NT5DC3: variants seen among roughly 807,000 people sequenced by gnomAD.
The protein encoded by NT5DC3 is 5'-nucleotidase domain-containing protein 3.
In NT5DC3, 42 loss-of-function variants were observed where a neutral mutation model predicts 67.8. The observed-to-expected ratio is 0.62, with a 90% CI of 0.48 to 0.80. The LOEUF is 0.80. Ranked by LOEUF, NT5DC3 falls within the 30% of genes least tolerant of loss-of-function variation. NT5DC3 has a pLI of 0.00. For missense variants in NT5DC3, 570 were observed against 696.4 expected (o/e 0.82, Z 2.04); for synonymous variants, 237 against 255.6 (o/e 0.93, Z 0.69).
chr12:103,758,210 C>G, the NT5DC3 span: 1 of 1,614,036 alleles, frequency 6.2e-7, no homozygotes, highest in African/African-American at 1.3e-5. Flanking sequence ...CGAGGCCGTG[C>G]ATTTCTAGAA....
intron 1 of NT5DC3, among the ~76,000 whole-genome samples, chr12:103,824,994 G>A (rs770587680): frequency 2.0e-5 from 3 of 152,154 alleles, no homozygotes; most frequent in Non-Finnish European, 4.4e-5. Flanking sequence ...TATAAATACA[G>A]AGCAATATCA....
At chr12:103,784,445 A>C (rs1325799757) in intron 12 of NT5DC3, among the ~76,000 whole-genome samples, 6 of 152,232 alleles carry the variant, frequency 3.9e-5, no homozygotes, top group Non-Finnish European at 7.3e-5. Context: ...CTCACTGCTC[A>C]GCCACTCCCA....
chr12:103,753,992 A>G, the NT5DC3 span, among the ~76,000 whole-genome samples: 4 of 152,198 alleles, frequency 2.6e-5, no homozygotes, highest in South Asian at 6.2e-4. Context: ...CTCTAAAACT[A>G]GAAGTCCTAC....
At chr12:103,798,240 A>C (rs1384094104) in intron 5 of NT5DC3, among the ~76,000 whole-genome samples, 7 of 152,160 alleles carry the variant, frequency 4.6e-5, no homozygotes, top group Non-Finnish European at 1.0e-4. Flanking sequence ...GTAGCCATCA[A>C]CTCTGGCATT....
the NT5DC3 span, chr12:103,759,207 C>A: frequency 3.1e-6 from 5 of 1,614,074 alleles, no homozygotes; most frequent in African/African-American, 6.7e-5. Flanking sequence ...TTGTCAATGG[C>A]ACCACCCTGC....
At chr12:103,763,618 C>T in the NT5DC3 span, 4 of 1,610,034 alleles carry the variant, frequency 2.5e-6, no homozygotes, top group East Asian at 8.9e-5. Flanking sequence ...GGTGAGTTTG[C>T]ATTCTTATCT....
chr12:103,757,999 G>A, the NT5DC3 span: 1 of 930,226 alleles, frequency 1.1e-6, no homozygotes, highest in Non-Finnish European at 1.6e-6. Context: ...GAAAGGAAAA[G>A]TCCTCAAACT....
chr12:103,752,232 A>C, the NT5DC3 span, among the ~76,000 whole-genome samples: 1 of 152,184 alleles, frequency 6.6e-6, no homozygotes, highest in Non-Finnish European at 1.5e-5. Flanking sequence ...ATTGATATAC[A>C]TCTACTCAAA....
chr12:103,801,901 T>C (rs143035673), intron 4 of NT5DC3, among the ~76,000 whole-genome samples: 1 of 152,272 alleles, frequency 6.6e-6, no homozygotes, highest in Non-Finnish European at 1.5e-5. Flanking sequence ...TGCTTCATCT[T>C]CACCAGCTGC....
the NT5DC3 span, chr12:103,763,229 G>A: frequency 2.4e-6 from 1 of 418,294 alleles, no homozygotes; most frequent in Non-Finnish European, 4.4e-6. Flanking sequence ...CAGGCTAAGA[G>A]CATGTGAACA....
intron 2 of NT5DC3, among the ~76,000 whole-genome samples, chr12:103,810,848 G>A (rs1206584304): frequency 6.6e-6 from 1 of 152,136 alleles, no homozygotes; most frequent in African/African-American, 2.4e-5. Flanking sequence ...ACACTGCTGT[G>A]GGTTCCTGAG....
At chr12:103,778,203 T>C in intron 13 of NT5DC3, 122 bp from the exon 14 acceptor site, 1 of 1,090,598 alleles carries the variant, frequency 9.2e-7, no homozygotes, top group Non-Finnish European at 1.3e-6. Flanking sequence ...TTGAGAAACA[T>C]GTTAGCCTAG....
the NT5DC3 span, among the ~76,000 whole-genome samples, chr12:103,756,996 A>AAAAAAAATAT: frequency 5.3e-5 from 3 of 56,382 alleles, no homozygotes; most frequent in African/African-American, 3.1e-4. Context: ...AAGGAGGGAA[A>AAAAAAAATAT]ATATATATAT....
chr12:103,788,743 C>A, intron 10 of NT5DC3, 95 bp downstream of exon 10: 1 of 819,554 alleles, frequency 1.2e-6, no homozygotes, highest in South Asian at 1.4e-5. Flanking sequence ...CAGAACTGTG[C>A]CAGGCATACA....
intron 1 of NT5DC3, among the ~76,000 whole-genome samples, chr12:103,831,766 T>TCC (rs1192436664): frequency 7.4e-6 from 1 of 134,992 alleles, no homozygotes; most frequent in Non-Finnish European, 1.5e-5. Flanking sequence ...GGTTTCAGCA[T>TCC]CCTCTTTTTT....
the NT5DC3 span, among the ~76,000 whole-genome samples, chr12:103,763,135 A>G: frequency 1.3e-5 from 2 of 152,190 alleles, no homozygotes; most frequent in African/African-American, 2.4e-5. Flanking sequence ...GTATGACTGC[A>G]TTTATATTAA....
chr12:103,797,272 T>G (rs913931808), intron 5 of NT5DC3, among the ~76,000 whole-genome samples: 2 of 151,974 alleles, frequency 1.3e-5, no homozygotes, highest in Non-Finnish European at 1.5e-5. Flanking sequence ...GAGTTCAAGA[T>G]CAGCCTGGAC....
At chr12:103,790,078 C>A (rs1360133100) in intron 9 of NT5DC3, among the ~76,000 whole-genome samples, 1 of 151,964 alleles carries the variant, frequency 6.6e-6, no homozygotes, top group African/African-American at 2.4e-5. Flanking sequence ...TACAGTAATA[C>A]AACATCATCT....
At chr12:103,825,070 GGCAT>G (rs1887634955) in intron 1 of NT5DC3, among the ~76,000 whole-genome samples, 1 of 149,812 alleles carries the variant, frequency 6.7e-6, no homozygotes, top group Non-Finnish European at 1.5e-5. Flanking sequence ...CATGGGGCTG[GGCAT>G]GCCCCCCCGG....
Sources: allele counts gnomAD v4.1 joint callset (sites outside exome capture counted in the v4.1 genomes callset), GRCh38; gene constraint gnomAD v4.1.1; transcripts MANE v1.5; gene names NCBI Gene and HGNC (gene_info 2026-07-23, HGNC 2026-07-21).